The following PARP11 variants were observed in gnomAD, a reference collection of about 807,000 sequenced individuals.
The protein encoded by PARP11 is protein mono-ADP-ribosyltransferase PARP11.
PARP11 carries 31 observed loss-of-function variants against 42.9 expected under a neutral mutation model. The ratio of observed to expected loss-of-function variants is 0.72; its 90% CI spans 0.54 to 0.98. The LOEUF is 0.98. Among genes scored for constraint, PARP11 ranks in the 50% least tolerant of loss-of-function variants. The pLI is 0.00. For missense variants in PARP11, 365 were observed against 413.1 expected (o/e 0.88, Z 1.01); for synonymous variants, 137 against 127.3 (o/e 1.08, Z -0.51).
chr12:3,870,962 C>A (rs1236248726), intron 1 of PARP11, among the ~76,000 whole-genome samples: 1 of 152,208 alleles, frequency 6.6e-6, no homozygotes, highest in Non-Finnish European at 1.5e-5. Flanking sequence ...CAAGTAATTA[C>A]TTTCCTCTAA....
chr12:3,859,696 G>A (rs1948263953), intron 1 of PARP11, among the ~76,000 whole-genome samples: 1 of 152,026 alleles, frequency 6.6e-6, no homozygotes, highest in Non-Finnish European at 1.5e-5. Context: ...GCTATATGCT[G>A]TCCACAGAAA....
chr12:3,853,697 C>G (rs918476724), intron 1 of PARP11, among the ~76,000 whole-genome samples: 3 of 152,164 alleles, frequency 2.0e-5, no homozygotes, highest in Non-Finnish European at 2.9e-5. Context: ...GAGACTTTAA[C>G]ACCCCACTGT....
intron 1 of PARP11, among the ~76,000 whole-genome samples, chr12:3,862,988 G>C (rs914337442): frequency 3.9e-5 from 6 of 152,136 alleles, no homozygotes; most frequent in Non-Finnish European, 7.4e-5. Flanking sequence ...ACAATATTGA[G>C]TATTCCAACC....
At chr12:3,851,821 G>C (rs564113604) in intron 1 of PARP11, among the ~76,000 whole-genome samples, 14 of 152,324 alleles carry the variant, frequency 9.2e-5, no homozygotes, top group African/African-American at 3.4e-4. Flanking sequence ...GTGGGTCCCT[G>C]ACCCCCGTGT....
chr12:3,857,644 A>AT (rs1315631148), intron 1 of PARP11, among the ~76,000 whole-genome samples: 1 of 152,128 alleles, frequency 6.6e-6, no homozygotes, highest in East Asian at 1.9e-4. Context: ...TGCTAAAAAA[A>AT]AAAAAGGAAA....
chr12:3,839,630 C>G, intron 1 of PARP11: 1 of 1,021,094 alleles, frequency 9.8e-7, no homozygotes, highest in East Asian at 2.4e-5. Context: ...AGTGCCCTTT[C>G]TCTTATGTAC....
chr12:3,873,333 C>T lies in PARP11; in HGVS notation c.-104G>A. Reference sequence around the variant, plus strand: ...CCGCGGGTCCCCGGGAGCGAAGGGACGGAGATGCAACCTTTACGAAGGCCT... The same window carrying T: ...CCGCGGGTCCCCGGGAGCGAAGGGATGGAGATGCAACCTTTACGAAGGCCT... On this transcript the variant is annotated 5_prime_UTR_variant, in exon 1 of 8. Coordinates refer to ENST00000228820, the MANE Select transcript of PARP11 (RefSeq NM_020367.6). 9.1e-7 allele frequency: 1 copy of T among 1,101,074 alleles called. No individual in the cohort carries two copies. Among genetic ancestry groups the T allele is most frequent in the Non-Finnish European group, 1.4e-6 (1 of 737,802 alleles). The allele number at this position is 1,101,074 out of a possible 1,614,324, so 68.2% of individuals were successfully genotyped here. A position where few individuals can be genotyped will look rare whatever the true frequency, so the allele number is the denominator to read the frequency against.
chr12:3,862,644 C>T (rs907125413), intron 1 of PARP11, among the ~76,000 whole-genome samples: 5 of 150,554 alleles, frequency 3.3e-5, no homozygotes, highest in Non-Finnish European at 7.4e-5. Flanking sequence ...TATGGAGTGA[C>T]GTTCATTTTT....
At chr12:3,839,608 C>A in intron 1 of PARP11, 1 of 1,142,828 alleles carries the variant, frequency 8.8e-7, no homozygotes, top group Non-Finnish European at 1.3e-6. Flanking sequence ...ATGGGTAGGA[C>A]AAATGGAAAT....
At chr12:3,863,757 G>A (rs902675789) in intron 1 of PARP11, 58 of 152,280 alleles carry the variant, frequency 3.8e-4, no homozygotes, top group African/African-American at 1.3e-3. Flanking sequence ...ACCAACCAAG[G>A]AAGTTCATTT....
In PARP11 at chr12:3,826,239, T is replaced by C. The variant is rs1408442880; in HGVS notation, c.269-6A>G. Reference sequence around the variant, plus strand: ...GAGATTCATTTGCTTCATTTCTGTATACAAAGACAAGATATTAGATAAGTC... The same window carrying C: ...GAGATTCATTTGCTTCATTTCTGTACACAAAGACAAGATATTAGATAAGTC... On this transcript the variant is annotated splice_polypyrimidine_tract_variant and splice_region_variant and intron_variant, in intron 3 of 7. Transcript: ENST00000228820. The C allele has an allele frequency of 2.5e-6, 4 of 1,576,086 alleles. No individual in the cohort carries two copies. The highest frequency in any genetic ancestry group is 2.2e-5 in the East Asian group (1 of 44,542).
chr12:3,851,350 C>G (rs896678153), intron 1 of PARP11, among the ~76,000 whole-genome samples: 2 of 152,214 alleles, frequency 1.3e-5, no homozygotes, highest in African/African-American at 4.8e-5. Flanking sequence ...ATTTCCCTTT[C>G]CTAGCCAAGG....
chr12:3,828,003 G>C (rs1947561693), intron 3 of PARP11, among the ~76,000 whole-genome samples: 2 of 152,178 alleles, frequency 1.3e-5, no homozygotes, highest in African/African-American at 2.4e-5. Flanking sequence ...CAGTTCATCA[G>C]GTTTTTCATG....
At chr12:3,817,473 C>T (rs1343777613) in intron 6 of PARP11, among the ~76,000 whole-genome samples, 1 of 152,090 alleles carries the variant, frequency 6.6e-6, no homozygotes, top group Non-Finnish European at 1.5e-5. Flanking sequence ...AAGGCAGCCA[C>T]GAAATGCGGA....
At chr12:3,868,679 T>C (rs761778024) in intron 1 of PARP11, among the ~76,000 whole-genome samples, 1 of 152,204 alleles carries the variant, frequency 6.6e-6, no homozygotes, top group Non-Finnish European at 1.5e-5. Context: ...AAGATGCAGC[T>C]TGAATTGATC....
chr12:3,838,244 C>T (rs1157279572), intron 1 of PARP11, among the ~76,000 whole-genome samples: 1 of 151,718 alleles, frequency 6.6e-6, no homozygotes, highest in African/African-American at 2.4e-5. Context: ...AAGCAGAAAT[C>T]GTATCACTTA....
intron 1 of PARP11, among the ~76,000 whole-genome samples, chr12:3,839,203 G>A (rs1591779723): frequency 2.7e-5 from 4 of 149,738 alleles, no homozygotes; most frequent in Admixed American, 2.7e-4. Context: ...CCGAGCCCCA[G>A]CCCGAGCCGC....
intron 6 of PARP11, among the ~76,000 whole-genome samples, chr12:3,818,524 A>G (rs184573920): frequency 3.0e-4 from 46 of 152,288 alleles, no homozygotes; most frequent in Non-Finnish European, 5.7e-4. Context: ...CTTTCCAATT[A>G]CAATGTTCAG....
At chr12:3,837,688 A>G (rs377699563) in intron 1 of PARP11, among the ~76,000 whole-genome samples, 38 of 152,278 alleles carry the variant, frequency 2.5e-4, no homozygotes, top group African/African-American at 8.2e-4. Flanking sequence ...CCAAGATCCA[A>G]ATATATACTA....
Sources: allele counts gnomAD v4.1 joint callset (sites outside exome capture counted in the v4.1 genomes callset), GRCh38; gene constraint gnomAD v4.1.1; transcripts MANE v1.5; gene names NCBI Gene and HGNC (gene_info 2026-07-23, HGNC 2026-07-21).